GDPD5: variants seen among roughly 807,000 people sequenced by gnomAD.
The protein encoded by GDPD5 is glycerophosphodiester phosphodiesterase domain containing 5.
Under a neutral mutation model 75.1 loss-of-function variants are expected in GDPD5, and 48 were observed. The observed-to-expected ratio is 0.64, with a 90% CI of 0.51 to 0.81. The LOEUF is 0.81. GDPD5 is among the 40% of genes least tolerant of loss of function. GDPD5 has a pLI of 0.00. For missense variants in GDPD5, 706 were observed against 822.6 expected (o/e 0.86, Z 1.73); for synonymous variants, 336 against 339.0 (o/e 0.99, Z 0.10).
chr11:75,482,207 C>T (rs574165377), intron 2 of GDPD5, among the ~76,000 whole-genome samples: 4 of 152,276 alleles, frequency 2.6e-5, no homozygotes, highest in South Asian at 2.1e-4. Flanking sequence ...GAAGTGCATG[C>T]GTCATGCCTC....
chr11:75,442,697 G>T, intron 11 of GDPD5, 116 bp from the exon 12 acceptor site: 1 of 881,972 alleles, frequency 1.1e-6, no homozygotes, highest in Non-Finnish European at 1.7e-6. Context: ...GCTGGGGTCA[G>T]GCAGATTGAT....
At chr11:75,493,895 G>A (rs1950160016) in intron 1 of GDPD5, among the ~76,000 whole-genome samples, 1 of 152,090 alleles carries the variant, frequency 6.6e-6, no homozygotes, top group African/African-American at 2.4e-5. Context: ...AAATGCACAT[G>A]GTGGCTGAGG....
chr11:75,488,485 G>A (rs1565209179), intron 2 of GDPD5, among the ~76,000 whole-genome samples: 1 of 152,048 alleles, frequency 6.6e-6, no homozygotes, highest in Admixed American at 6.6e-5. Flanking sequence ...GAGGAGGAAC[G>A]TGAGTACAGT....
In GDPD5 at chr11:75,448,482, GC is replaced by G. The variant is rs1249992068; in HGVS notation, c.714+494del. On this transcript the variant is annotated intron_variant, in intron 9 of 16. Coordinates refer to ENST00000336898, the MANE Select transcript of GDPD5 (RefSeq NM_030792.8). The stretch of plus-strand genomic sequence containing the variant: ...CTCAGGCAACATGGCTCTGGAGCCT[GC>G]CCTCTCACCGAAGCTCTCCTGCAGG... 19 of 985,588 alleles carry G rather than the reference GC, an allele frequency of 1.9e-5. No homozygotes were observed. The Admixed American group carries it at 1.0e-3, about 54-fold the overall frequency. 61.1% of individuals were successfully genotyped at this position (985,588 alleles called of 1,614,324 possible).
intron 9 of GDPD5, among the ~76,000 whole-genome samples, chr11:75,445,630 GGATTC>G (rs2135189003): frequency 6.6e-6 from 1 of 152,320 alleles, no homozygotes; most frequent in Admixed American, 6.5e-5. Flanking sequence ...GAGGTGGGAA[GGATTC>G]CCATGGCTGA....
At chr11:75,453,380 A>G (rs1300959706) in intron 6 of GDPD5, among the ~76,000 whole-genome samples, 1 of 152,178 alleles carries the variant, frequency 6.6e-6, no homozygotes, top group Non-Finnish European at 1.5e-5. Context: ...GCACTTTGGG[A>G]GGCCGAGGTG....
intron 15 of GDPD5, 88 bp downstream of exon 15, chr11:75,439,791 G>C: frequency 9.3e-7 from 1 of 1,080,236 alleles, no homozygotes; most frequent in Non-Finnish European, 1.4e-6. Context: ...TGAGGCCCAG[G>C]GCTCAGGAGA....
Position 75,477,740 on chromosome 11 carries a change from G to C in GDPD5, c.-5C>G. 1.3e-6 allele frequency: 2 copies of C among 1,555,848 alleles called. No individual in the cohort carries two copies. Among genetic ancestry groups the C allele is most frequent in the Non-Finnish European group, 1.8e-6 (2 of 1,140,262 alleles). Reference sequence around the variant, plus strand: ...CAGGGGCTGGTGTCTCACCATACTCGTGCCCACGGCCCTGGCGCCTGGCCC... The same window carrying C: ...CAGGGGCTGGTGTCTCACCATACTCCTGCCCACGGCCCTGGCGCCTGGCCC... On this transcript the variant is annotated 5_prime_UTR_variant, in exon 3 of 17. Transcript: ENST00000336898.
chr11:75,453,373 C>G (rs1246247198), intron 6 of GDPD5, among the ~76,000 whole-genome samples: 1 of 152,110 alleles, frequency 6.6e-6, no homozygotes, highest in East Asian at 1.9e-4. Flanking sequence ...AGTCCCAGCA[C>G]TTTGGGAGGC....
chr11:75,463,479 C>T (rs1177246742), intron 3 of GDPD5, among the ~76,000 whole-genome samples: 3 of 152,198 alleles, frequency 2.0e-5, no homozygotes, highest in Non-Finnish European at 4.4e-5. Context: ...ACCACCACTG[C>T]TGTTTCCTGA....
At chr11:75,484,218 A>C (rs972570351) in intron 2 of GDPD5, among the ~76,000 whole-genome samples, 2 of 152,116 alleles carry the variant, frequency 1.3e-5, no homozygotes, top group African/African-American at 4.8e-5. Context: ...AAAAAAAGAA[A>C]ATGTCCTGGA....
Position 75,441,328 on chromosome 11 carries a change from G to T in GDPD5, c.1326-18C>A. 1 of 1,614,006 alleles carries T rather than the reference G, an allele frequency of 6.2e-7. No homozygotes were observed. Among genetic ancestry groups the T allele is most frequent in the Non-Finnish European group, 8.5e-7 (1 of 1,179,958 alleles). On this transcript the variant is annotated intron_variant, in intron 13 of 16. Coordinates refer to ENST00000336898, the MANE Select transcript of GDPD5 (RefSeq NM_030792.8). Reference sequence around the variant, plus strand: ...CGTAGTCCCTGTGGGGCAGGGGAGAGGCAGGTCAGCATGCGGACCCTGGCA... The same window carrying T: ...CGTAGTCCCTGTGGGGCAGGGGAGATGCAGGTCAGCATGCGGACCCTGGCA...
intron 1 of GDPD5, among the ~76,000 whole-genome samples, chr11:75,520,321 C>A (rs1950731029): frequency 6.6e-6 from 1 of 152,172 alleles, no homozygotes; most frequent in Non-Finnish European, 1.5e-5. Context: ...CACCCCACTT[C>A]CTTCATCTCA....
At chr11:75,516,467 C>A (rs1950641419) in intron 1 of GDPD5, among the ~76,000 whole-genome samples, 1 of 152,240 alleles carries the variant, frequency 6.6e-6, no homozygotes, top group African/African-American at 2.4e-5. Flanking sequence ...TAGTCTTCCT[C>A]TGTCCAGTCC....
intron 15 of GDPD5, chr11:75,438,023 C>G (rs1008181918): frequency 1.2e-4 from 18 of 152,262 alleles, no homozygotes; most frequent in Admixed American, 9.8e-4. Flanking sequence ...AAGAAACCAA[C>G]TGTGAGTTAC....
intron 5 of GDPD5, 79 bp downstream of exon 5, chr11:75,457,614 C>T: frequency 5.2e-6 from 6 of 1,149,076 alleles, no homozygotes; most frequent in Middle Eastern, 3.9e-4. Flanking sequence ...AGGGTGGGAC[C>T]CTCCATCAGC....
chr11:75,483,883 T>G (rs1049064256), intron 2 of GDPD5, among the ~76,000 whole-genome samples: 2 of 152,168 alleles, frequency 1.3e-5, no homozygotes, highest in Admixed American at 1.3e-4. Context: ...GAGTTTCTTT[T>G]TGGGCTGGTG....
chr11:75,442,889 T>G, intron 11 of GDPD5: 1 of 607,432 alleles, frequency 1.6e-6, no homozygotes. Flanking sequence ...GAGTTAAGAA[T>G]TCTATTCACT....
intron 1 of GDPD5, among the ~76,000 whole-genome samples, chr11:75,501,432 G>C (rs999304651): frequency 1.3e-5 from 2 of 152,258 alleles, no homozygotes; most frequent in African/African-American, 4.8e-5. Flanking sequence ...ACTGGCGCAA[G>C]CATACAGGCT....
Sources: allele counts gnomAD v4.1 joint callset (sites outside exome capture counted in the v4.1 genomes callset), GRCh38; gene constraint gnomAD v4.1.1; transcripts MANE v1.5; gene names NCBI Gene and HGNC (gene_info 2026-07-23, HGNC 2026-07-21).